Variants in PIK3R4 observed in about 807,000 individuals in gnomAD.
The protein encoded by PIK3R4 is phosphoinositide 3-kinase regulatory subunit 4.
Under a neutral mutation model 136.5 loss-of-function variants are expected in PIK3R4, and 46 were observed. That is an observed-to-expected ratio of 0.34 (90% CI 0.27 to 0.43). The LOEUF (loss-of-function observed/expected upper bound fraction) is 0.43, where lower values mean the gene tolerates loss of function less well. PIK3R4 is among the 20% of genes least tolerant of loss of function. The pLI is 1.00. For missense variants in PIK3R4, 1,331 were observed against 1,649.5 expected (o/e 0.81, Z 3.35); for synonymous variants, 557 against 566.7 (o/e 0.98, Z 0.24).
chr3:130,724,189 A>C (rs2066719155), intron 6 of PIK3R4, among the ~76,000 whole-genome samples: 1 of 152,196 alleles, frequency 6.6e-6, no homozygotes, highest in Non-Finnish European at 1.5e-5. Flanking sequence ...AATAAGAAAG[A>C]AGCTAGCTAT....
intron 18 of PIK3R4, 105 bp downstream of exon 18, chr3:130,680,872 T>TAACA: frequency 1.3e-6 from 1 of 760,018 alleles, no homozygotes; most frequent in Non-Finnish European, 2.2e-6. Flanking sequence ...AATAAAGTAT[T>TAACA]AACAGCTGTC....
At position 130,744,548 on chromosome 3, in the gene PIK3R4, T is replaced by C; in HGVS notation, c.671A>G (p.Asp224Gly). 1 of 1,614,142 alleles carries C rather than the reference T, an allele frequency of 6.2e-7. No individual in the cohort carries two copies. The highest frequency in any genetic ancestry group is 8.5e-7 in the Non-Finnish European group (1 of 1,179,996). Residue 224 changes from aspartate to glycine, a missense_variant, in exon 2 of 20, where the codon GAC becomes GGC. By Grantham distance (94) the Asp-to-Gly change is moderately conservative (BLOSUM62 -1). Coordinates refer to ENST00000356763, the MANE Select transcript of PIK3R4 (RefSeq NM_014602.3). Reference sequence around the variant, plus strand: ...TCTTGTTCTCTGATTGCTATTTAAGTCTACAAGCGGAGTTGAAGGATCTCT... The same window carrying C: ...TCTTGTTCTCTGATTGCTATTTAAGCCTACAAGCGGAGTTGAAGGATCTCT... ...YMRDPSTPLV[D>G]LNSNQRTRGE... is the part of the protein sequence containing the mutation.
At position 130,746,628 on chromosome 3, in the gene PIK3R4, G is replaced by C. The variant is rs2066855886; in HGVS notation, c.-357C>G. The C allele has an allele frequency of 6.6e-6, 1 of 152,302 alleles. No individual in the cohort carries two copies. The highest frequency in any genetic ancestry group is 2.1e-4 in the South Asian group (1 of 4,828). 9.4% of individuals were successfully genotyped at this position (152,302 alleles called of 1,614,324 possible). A position where few individuals can be genotyped will look rare whatever the true frequency, so the allele number is the denominator to read the frequency against. ...CTCCAGCCCCCTAACCTGCCCTGGG[G>C]GACATGCGTTCCCGGGCCTCGTCTT... On this transcript the variant is annotated 5_prime_UTR_variant, in exon 1 of 20. Transcript: ENST00000356763.
At chr3:130,740,301 T>C (rs1207886591) in intron 2 of PIK3R4, among the ~76,000 whole-genome samples, 1 of 152,196 alleles carries the variant, frequency 6.6e-6, no homozygotes, top group Non-Finnish European at 1.5e-5. Context: ...CAAGGTCCTG[T>C]CCTGAAACAG....
At chr3:130,694,889 AC>A (rs1437870409) in intron 13 of PIK3R4, among the ~76,000 whole-genome samples, 1 of 152,070 alleles carries the variant, frequency 6.6e-6, no homozygotes, top group Non-Finnish European at 1.5e-5. Context: ...CAATCTTTTA[AC>A]ATTAAGTACA....
At chr3:130,707,193 CT>C in intron 10 of PIK3R4, 58 bp from the exon 11 acceptor site, 1 of 1,227,986 alleles carries the variant, frequency 8.1e-7, no homozygotes, top group Non-Finnish European at 1.1e-6. Context: ...CCATTATGTG[CT>C]TTTATTGCCT....
intron 2 of PIK3R4, among the ~76,000 whole-genome samples, chr3:130,741,759 A>T (rs1473359908): frequency 6.6e-6 from 1 of 152,176 alleles, no homozygotes; most frequent in Non-Finnish European, 1.5e-5. Context: ...AAAGCTCCAT[A>T]ATGGCAAAAG....
intron 13 of PIK3R4, among the ~76,000 whole-genome samples, chr3:130,699,700 C>G (rs1347413488): frequency 6.6e-6 from 1 of 152,182 alleles, no homozygotes; most frequent in East Asian, 1.9e-4. Flanking sequence ...GGTCCTTACT[C>G]TGCCATTCCA....
At chr3:130,727,227 T>TA (rs1476532978) in intron 6 of PIK3R4, among the ~76,000 whole-genome samples, 4 of 151,560 alleles carry the variant, frequency 2.6e-5, no homozygotes, top group Non-Finnish European at 5.9e-5. Context: ...TTAAAGTCTT[T>TA]TTTTTTTTTT....
chr3:130,718,546 A>G lies in PIK3R4; in HGVS notation c.1982-12T>C. ...ACACAGGAAGGGGGCTAAAGAGGAA[A>G]AGAAAAGGTAGGGATCAAATAAGTT... On this transcript the variant is annotated splice_polypyrimidine_tract_variant and intron_variant, in intron 7 of 19. Transcript: ENST00000356763. The G allele has an allele frequency of 1.2e-6, 2 of 1,613,578 alleles. No homozygotes were observed. Among genetic ancestry groups the G allele is most frequent in the Non-Finnish European group, 1.7e-6 (2 of 1,179,584 alleles).
intron 13 of PIK3R4, among the ~76,000 whole-genome samples, chr3:130,697,768 T>C (rs1346146352): frequency 6.6e-6 from 1 of 152,124 alleles, no homozygotes; most frequent in Non-Finnish European, 1.5e-5. Context: ...TAAAAAGAGT[T>C]ACAAACAAAA....
intron 2 of PIK3R4, among the ~76,000 whole-genome samples, chr3:130,742,413 C>G (rs2066829258): frequency 6.6e-6 from 1 of 152,180 alleles, no homozygotes; most frequent in South Asian, 2.1e-4. Flanking sequence ...TGACGCAATT[C>G]CTAAGCTAAA....
chr3:130,690,913 T>TTC lies in PIK3R4; in HGVS notation c.3099-260_3099-259insGA, dbSNP rs1559820703. 5.4e-5 allele frequency among the ~76,000 whole-genome samples: 8 copies of TTC among 147,584 alleles called. 1 individual carries two copies. The highest frequency in any genetic ancestry group is 2.1e-4 in the Admixed American group (3 of 14,612). Reference sequence around the variant, plus strand: ...TCTCCTCTTTTTTTTTTTTTTTTTTTCTGAGACAGGGTCTCACTCTGTTGC... The same window carrying TTC: ...TCTCCTCTTTTTTTTTTTTTTTTTTTTCCTGAGACAGGGTCTCACTCTGTTGC... On this transcript the variant is annotated intron_variant, in intron 13 of 19. Transcript: ENST00000356763.
At chr3:130,718,618 G>T in intron 7 of PIK3R4, 84 bp from the exon 8 acceptor site, 1 of 1,372,238 alleles carries the variant, frequency 7.3e-7, no homozygotes, top group Non-Finnish European at 1.0e-6. Flanking sequence ...TAACGTAACT[G>T]ACAAAAGGAT....
At chr3:130,729,900 T>C (rs931232521) in intron 5 of PIK3R4, among the ~76,000 whole-genome samples, 4 of 152,182 alleles carry the variant, frequency 2.6e-5, no homozygotes, top group Non-Finnish European at 5.9e-5. Context: ...TCTGTTCCTT[T>C]ATGGTTTTTT....
chr3:130,679,944 C>T (rs759929572), intron 19 of PIK3R4, among the ~76,000 whole-genome samples: 19 of 150,860 alleles, frequency 1.3e-4, no homozygotes, highest in East Asian at 5.9e-4. Context: ...GGTGTGGTGG[C>T]GTGCACCTGT....
intron 2 of PIK3R4, among the ~76,000 whole-genome samples, chr3:130,739,233 C>T (rs1002301664): frequency 6.6e-6 from 1 of 152,140 alleles, no homozygotes; most frequent in Non-Finnish European, 1.5e-5. Context: ...CCTGCCACCG[C>T]GCCCAGCTAA....
At chr3:130,702,678 G>GAGAA (rs1012984778) in intron 13 of PIK3R4, among the ~76,000 whole-genome samples, 6 of 152,108 alleles carry the variant, frequency 3.9e-5, no homozygotes, top group Non-Finnish European at 8.8e-5. Flanking sequence ...AACCAATACA[G>GAGAA]AGAAAGAAAG....
chr3:130,746,364 G>A lies in PIK3R4; in HGVS notation c.-93C>T, dbSNP rs1018051859. 6.6e-6 allele frequency: 1 copy of A among 152,312 alleles called. No homozygotes were observed. Among genetic ancestry groups the A allele is most frequent in the Non-Finnish European group, 1.5e-5 (1 of 68,136 alleles). 9.4% of individuals were successfully genotyped at this position (152,312 alleles called of 1,614,324 possible). On this transcript the variant is annotated 5_prime_UTR_variant, in exon 1 of 20. Transcript: ENST00000356763. ...AAAATCGTTCAGAGGCTCACAACGAGGTCATAGTAGACTACTTCGGGGACG... is the reference window on the plus strand; with the variant it reads ...AAAATCGTTCAGAGGCTCACAACGAAGTCATAGTAGACTACTTCGGGGACG...
Sources: gnomAD v4.1 joint callset for allele counts (sites outside exome capture counted in the v4.1 genomes callset) on GRCh38, gnomAD v4.1.1 for gene constraint, MANE v1.5 for transcripts, NCBI Gene and HGNC (gene_info 2026-07-23, HGNC 2026-07-21) for gene names.